Variants in CUX1 observed in about 807,000 individuals in gnomAD.
CUX1 encodes cut like homeobox 1, also known as protein CASP.
Under a neutral mutation model 158.8 loss-of-function variants are expected in CUX1, and 31 were observed. The observed-to-expected ratio is 0.20, with a 90% confidence interval of 0.15 to 0.26. The LOEUF is 0.26. Among genes scored for constraint, CUX1 ranks in the 10% least tolerant of loss-of-function variants. The probability of loss-of-function intolerance (pLI) is 1.00; values close to 1 mark genes in which losing one functional copy is unlikely to be tolerated. For missense variants in CUX1, 1,589 were observed against 2,014.6 expected (o/e 0.79, Z 4.04); for synonymous variants, 879 against 862.1 (o/e 1.02, Z -0.34).
At chr7:102,043,323 C>CTGTGTGTGTGTGTGTGTGTGTG (rs57276921) in intron 3 of CUX1, among the ~76,000 whole-genome samples, 2 of 139,068 alleles carry the variant, frequency 1.4e-5, no homozygotes, top group African/African-American at 2.7e-5. Context: ...CATTAGCTCA[C>CTGTGTGTGTGTGTGTGTGTGTG]TGTGTGTGTG....
chr7:102,239,188 C>T, intron 22 of CUX1, 132 bp from the exon 23 acceptor site: 1 of 1,075,052 alleles, frequency 9.3e-7, no homozygotes. Context: ...TGCCCAGCCT[C>T]ATCTTAGTGT....
At chr7:101,992,526 G>T (rs1242594387) in intron 2 of CUX1, among the ~76,000 whole-genome samples, 1 of 152,168 alleles carries the variant, frequency 6.6e-6, no homozygotes, top group Non-Finnish European at 1.5e-5. Flanking sequence ...CACCCTACGT[G>T]CCCCATGCCC....
chr7:102,239,745 T>TTTTC (rs2132499616), intron 23 of CUX1, among the ~76,000 whole-genome samples, 161 bp downstream of exon 23: 1 of 151,098 alleles, frequency 6.6e-6, no homozygotes, highest in Non-Finnish European at 1.5e-5. Flanking sequence ...TTTTTTTTTC[T>TTTTC]TTTCTTTTCT....
chr7:101,962,094 T>A (rs1056643779), intron 2 of CUX1, among the ~76,000 whole-genome samples: 19 of 152,048 alleles, frequency 1.2e-4, no homozygotes, highest in African/African-American at 4.6e-4. Flanking sequence ...TTAAACATAC[T>A]CTGCCATGAC....
chr7:102,097,304 G>T, intron 4 of CUX1, 60 bp from the exon 5 acceptor site: 4 of 1,559,726 alleles, frequency 2.6e-6, no homozygotes, highest in Middle Eastern at 1.8e-4. Flanking sequence ...CCTGTGTACC[G>T]CCGTGGAGGG....
chr7:101,969,359 CAAAAAAAA>C (rs10711703), intron 2 of CUX1, among the ~76,000 whole-genome samples: 2 of 56,118 alleles, frequency 3.6e-5, no homozygotes, highest in African/African-American at 7.4e-5. Context: ...CAAAAAACAG[CAAAAAAAA>C]AAAAAAAAAA....
chr7:101,857,477 G>A (rs1444856902), intron 1 of CUX1, among the ~76,000 whole-genome samples: 1 of 152,198 alleles, frequency 6.6e-6, no homozygotes, highest in Non-Finnish European at 1.5e-5. Flanking sequence ...AGGACTGTAG[G>A]CCTCCGAAGT....
At chr7:102,197,926 G>A (rs62484929) in intron 15 of CUX1, among the ~76,000 whole-genome samples, 16,504 of 152,082 alleles carry the variant, frequency 0.11, 1,133 homozygotes, top group Admixed American at 0.17. Context: ...CCCACCCTCC[G>A]TAAAAAGATA....
intron 22 of CUX1, among the ~76,000 whole-genome samples, chr7:102,237,035 C>T (rs1315690538): frequency 6.6e-6 from 1 of 152,150 alleles, no homozygotes; most frequent in Non-Finnish European, 1.5e-5. Context: ...CCTGCCAGCC[C>T]CTGGTCAGTC....
chr7:102,283,298 C>T, exon 23 of CUX1: 1 of 579,560 alleles, frequency 1.7e-6, no homozygotes, highest in Non-Finnish European at 3.1e-6. Context: ...AGAGCGAGCC[C>T]CCAATGCCCG....
intron 20 of CUX1, 147 bp downstream of exon 20, chr7:102,205,317 G>A (rs1795839276): frequency 1.5e-6 from 1 of 648,256 alleles, no homozygotes; most frequent in Admixed American, 2.4e-5. Context: ...CTGCAAACGG[G>A]GTCCCTCTCT....
At chr7:102,061,116 G>T (rs1824823381) in intron 3 of CUX1, among the ~76,000 whole-genome samples, 1 of 151,758 alleles carries the variant, frequency 6.6e-6, no homozygotes, top group Admixed American at 6.6e-5. Context: ...ATAGAGACAG[G>T]TTTCACCATG....
intron 3 of CUX1, among the ~76,000 whole-genome samples, chr7:102,030,945 T>C (rs1216534099): frequency 6.6e-6 from 1 of 152,074 alleles, no homozygotes; most frequent in Non-Finnish European, 1.5e-5. Flanking sequence ...CAAGCCATCC[T>C]CCCACCTTGG....
intron 21 of CUX1, among the ~76,000 whole-genome samples, chr7:102,233,741 T>G (rs544342797): frequency 1.2e-4 from 18 of 152,178 alleles, no homozygotes; most frequent in African/African-American, 4.1e-4. Flanking sequence ...GAGCCAAGAT[T>G]ACACTACTGC....
intron 1 of CUX1, among the ~76,000 whole-genome samples, chr7:101,903,597 G>A (rs188567286): frequency 1.1e-3 from 172 of 152,314 alleles, no homozygotes; most frequent in Non-Finnish European, 2.1e-3. Context: ...CCATAAAGCA[G>A]AGCCCTTCTC....
chr7:102,033,786 T>C (rs1258827356), intron 3 of CUX1, among the ~76,000 whole-genome samples: 7 of 152,174 alleles, frequency 4.6e-5, no homozygotes, highest in Admixed American at 1.3e-4. Context: ...TTAACTCCTT[T>C]TATGAGGCTA....
chr7:101,819,813 G>A (rs1160178558), intron 1 of CUX1, among the ~76,000 whole-genome samples: 4 of 152,036 alleles, frequency 2.6e-5, no homozygotes, highest in African/African-American at 9.7e-5. Context: ...ACAACTCCTG[G>A]TACAGTTGAG....
Position 101,916,319 on chromosome 7 carries a change from A to T in CUX1, c.141+94A>T. The stretch of plus-strand genomic sequence containing the variant: ...TCCGTGAGCGTTTCATTTTCATCAG[A>T]TGAACGCACGGCCGGCAAACAACCC... On this transcript the variant is annotated intron_variant, in intron 2 of 23. Coordinates refer to ENST00000292535, the MANE Select transcript of CUX1 (RefSeq NM_181552.4). The surrounding 1 kb of genome is among the most constrained non-coding windows in gnomAD (Gnocchi z 4.4). 3 of 810,238 alleles carry T rather than the reference A, an allele frequency of 3.7e-6. No homozygotes were observed. The highest frequency in any genetic ancestry group is 2.8e-5 in the South Asian group (2 of 72,100). The allele number at this position is 810,238 out of a possible 1,614,324, so 50.2% of individuals were successfully genotyped here. A position where few individuals can be genotyped will look rare whatever the true frequency, so the allele number is the denominator to read the frequency against.
chr7:101,971,313 C>G (rs1158000804), intron 2 of CUX1, among the ~76,000 whole-genome samples: 2 of 152,088 alleles, frequency 1.3e-5, no homozygotes, highest in African/African-American at 4.8e-5. Context: ...GTATGACAAG[C>G]AAGGCATGAG....
Sources: allele counts gnomAD v4.1 joint callset (sites outside exome capture counted in the v4.1 genomes callset), GRCh38; gene constraint gnomAD v4.1.1; non-coding constraint Gnocchi (gnomAD v3.1); transcripts MANE v1.5; gene names NCBI Gene and HGNC (gene_info 2026-07-23, HGNC 2026-07-21).